The following LSAMP variants were observed in gnomAD, a reference collection of about 807,000 sequenced individuals.
The protein encoded by LSAMP is limbic system-associated membrane protein.
Under a neutral mutation model 38.6 loss-of-function variants are expected in LSAMP, and 7 were observed. The ratio of observed to expected loss-of-function variants is 0.18; its 90% CI spans 0.10 to 0.34. The LOEUF (loss-of-function observed/expected upper bound fraction) is 0.34, where lower values mean the gene tolerates loss of function less well. Ranked by LOEUF, LSAMP falls within the 10% of genes least tolerant of loss-of-function variation. The pLI is 1.00. For synonymous variants in LSAMP, 154 were observed against 166.8 expected, an observed-to-expected ratio of 0.92 and a Z score of 0.59; for missense variants, 313 against 420.0, an observed-to-expected ratio of 0.75 and a Z score of 2.23.
intron 1 of LSAMP, among the ~76,000 whole-genome samples, chr3:116,310,754 G>C (rs928119538): frequency 6.6e-6 from 1 of 151,962 alleles, no homozygotes; most frequent in Non-Finnish European, 1.5e-5. Context: ...ACAAAATTGA[G>C]GTCACTAAGT....
rs150542393 is a variant in LSAMP, at chr3:116,018,758, G to A, written c.514+757C>T. On this transcript the variant is annotated intron_variant, in intron 3 of 6. Coordinates refer to ENST00000490035, the MANE Select transcript of LSAMP (RefSeq NM_002338.5). ...TTTAAAAAAAGTTCAAAAAGCAGGA[G>A]GCCTGGGAACCTTTTTATGGCGATG... Among the ~76,000 whole-genome samples the A allele has an allele frequency of 6.9e-4, 105 of 152,212 alleles. 2 individuals are homozygous for A. In the East Asian group the frequency reaches 0.015, roughly 21 times the overall value.
At chr3:116,087,895 ATT>A (rs113096762) in intron 1 of LSAMP, among the ~76,000 whole-genome samples, 27 of 139,542 alleles carry the variant, frequency 1.9e-4, no homozygotes, top group African/African-American at 3.2e-4. Context: ...TTAGAGGGAG[ATT>A]TTTTTTTTTT....
At chr3:116,121,080 GTT>G (rs1708864881) in intron 1 of LSAMP, among the ~76,000 whole-genome samples, 1 of 152,194 alleles carries the variant, frequency 6.6e-6, no homozygotes, top group Non-Finnish European at 1.5e-5. Flanking sequence ...AACATCTTCA[GTT>G]TTTTCATCTC....
At chr3:116,002,246 G>T (rs774671134) in intron 3 of LSAMP, among the ~76,000 whole-genome samples, 3 of 152,110 alleles carry the variant, frequency 2.0e-5, no homozygotes, top group Non-Finnish European at 4.4e-5. Context: ...TAACACTTAT[G>T]CCCTAGAGAG....
At chr3:115,865,084 A>T (rs1021665437) in intron 3 of LSAMP, among the ~76,000 whole-genome samples, 1 of 152,220 alleles carries the variant, frequency 6.6e-6, no homozygotes, top group African/African-American at 2.4e-5. Flanking sequence ...TTGCTAATGG[A>T]TGTCAATGTA....
intron 1 of LSAMP, among the ~76,000 whole-genome samples, chr3:116,390,910 C>G (rs920565036): frequency 3.3e-5 from 5 of 152,062 alleles, no homozygotes; most frequent in African/African-American, 1.2e-4. Context: ...TGTACACTGC[C>G]TTCCAGCGGG....
chr3:116,223,530 T>C (rs1336410162), intron 1 of LSAMP, among the ~76,000 whole-genome samples: 1 of 152,200 alleles, frequency 6.6e-6, no homozygotes, highest in African/African-American at 2.4e-5. Flanking sequence ...ACTGAAAATA[T>C]TGAGACTATC....
chr3:116,345,676 T>C (rs2048055674), intron 1 of LSAMP, among the ~76,000 whole-genome samples: 1 of 152,116 alleles, frequency 6.6e-6, no homozygotes, highest in Non-Finnish European at 1.5e-5. Flanking sequence ...ACTTCTGAGA[T>C]TTGTTTGGGT....
intron 1 of LSAMP, among the ~76,000 whole-genome samples, chr3:116,182,989 C>T (rs1710522513): frequency 6.6e-6 from 1 of 151,804 alleles, no homozygotes; most frequent in South Asian, 2.1e-4. Context: ...TCTGTTTACA[C>T]CTGCATAACA....
At chr3:116,143,980 A>G (rs1287736044) in intron 1 of LSAMP, among the ~76,000 whole-genome samples, 1 of 151,944 alleles carries the variant, frequency 6.6e-6, no homozygotes, top group Non-Finnish European at 1.5e-5. Context: ...AAGTGTTTTC[A>G]TGAAGTCTAA....
At chr3:115,849,639 A>G (rs1475291007) in intron 4 of LSAMP, among the ~76,000 whole-genome samples, 1 of 152,154 alleles carries the variant, frequency 6.6e-6, no homozygotes, top group African/African-American at 2.4e-5. Flanking sequence ...GGCCGGTAGG[A>G]TTAGATGAAG....
chr3:116,028,698 T>C (rs1559926291), intron 2 of LSAMP, among the ~76,000 whole-genome samples: 2 of 152,172 alleles, frequency 1.3e-5, no homozygotes, highest in South Asian at 4.1e-4. Context: ...AATAAAGAAG[T>C]GTTGGCTTGA....
chr3:116,157,311 A>G (rs1341914769), intron 1 of LSAMP, among the ~76,000 whole-genome samples: 11 of 152,156 alleles, frequency 7.2e-5, no homozygotes, highest in African/African-American at 2.7e-4. Context: ...AGGAACTGAA[A>G]AAAAGGAAAA....
rs1464140900 is a variant in LSAMP at position 115,804,104 on chromosome 3, T to C, written c.*6213A>G. 6.6e-6 allele frequency: 1 copy of C among 152,142 alleles called. No individual in the cohort carries two copies. Among genetic ancestry groups the C allele is most frequent in the Non-Finnish European group, 1.5e-5 (1 of 68,022 alleles). 9.4% of individuals were successfully genotyped at this position (152,142 alleles called of 1,614,324 possible). On this transcript the variant is annotated 3_prime_UTR_variant, in exon 7 of 7. Transcript: ENST00000490035. ...TCCCTTCTCTACACTGCTATAAAGTTTTGATCAGAAAAAATTTACAGACCC... is the reference window on the plus strand; with the variant it reads ...TCCCTTCTCTACACTGCTATAAAGTCTTGATCAGAAAAAATTTACAGACCC...
chr3:116,327,875 A>T (rs1034938477), intron 1 of LSAMP, among the ~76,000 whole-genome samples: 4 of 152,144 alleles, frequency 2.6e-5, no homozygotes, highest in African/African-American at 9.7e-5. Flanking sequence ...ACATCAGTGA[A>T]TCTCTCTTGT....
At chr3:115,814,123 A>G (rs1933930818) in intron 6 of LSAMP, 1 of 152,218 alleles carries the variant, frequency 6.6e-6, no homozygotes, top group Non-Finnish European at 1.5e-5. Flanking sequence ...ATCCAAATGC[A>G]GAAGTTTGGA....
At chr3:116,327,640 G>C (rs1489505055) in intron 1 of LSAMP, among the ~76,000 whole-genome samples, 1 of 152,082 alleles carries the variant, frequency 6.6e-6, no homozygotes, top group Non-Finnish European at 1.5e-5. Context: ...CAACTAAGTA[G>C]TGTATAAAGA....
At chr3:116,309,113 C>A (rs2047523124) in intron 1 of LSAMP, among the ~76,000 whole-genome samples, 2 of 152,000 alleles carry the variant, frequency 1.3e-5, no homozygotes, top group African/African-American at 2.4e-5. Flanking sequence ...ATGTGATTCA[C>A]ATTAATATTT....
chr3:116,129,864 T>C (rs1709086806), intron 1 of LSAMP, among the ~76,000 whole-genome samples: 1 of 152,208 alleles, frequency 6.6e-6, no homozygotes, highest in Non-Finnish European at 1.5e-5. Context: ...CAGTGGAAAG[T>C]AAAGCCTTAA....
Sources: allele counts gnomAD v4.1 joint callset (sites outside exome capture counted in the v4.1 genomes callset), GRCh38; gene constraint gnomAD v4.1.1; transcripts MANE v1.5; gene names NCBI Gene and HGNC (gene_info 2026-07-23, HGNC 2026-07-21).